Variants in FMN1 observed in about 807,000 individuals in gnomAD.
The protein encoded by FMN1 is formin 1.
Under a neutral mutation model 132.4 loss-of-function variants are expected in FMN1, and 110 were observed. The observed-to-expected ratio is 0.83, with a 90% confidence interval of 0.71 to 0.97. FMN1 has a LOEUF of 0.97. FMN1 is among the 50% of genes least tolerant of loss of function. FMN1 has a pLI of 0.00. For synonymous variants in FMN1, 722 were observed against 651.7 expected (o/e 1.11, Z -1.64); for missense variants, 1,792 against 1,705.3 (o/e 1.05, Z -0.90).
At chr15:32,938,205 AT>A (rs1287749775) in intron 9 of FMN1, among the ~76,000 whole-genome samples, 1 of 152,028 alleles carries the variant, frequency 6.6e-6, no homozygotes, top group Non-Finnish European at 1.5e-5. Context: ...TCATTTAAGT[AT>A]TCCCCTACTA....
chr15:33,153,846 G>T lies in FMN1; in HGVS notation c.1069C>A (p.Arg357Ser). Residue 357 changes from arginine (R) to serine (S), a missense_variant, in exon 4 of 21, where the codon CGC (arginine) becomes AGC (serine). By Grantham distance (110) the Arg-to-Ser change is moderately radical. This residue lies in a region of FMN1 where 638 missense variants were observed against 645.2 expected (regional missense o/e 0.99). Transcript: ENST00000616417. ...HSKGKETIAI[R>S]PAAHAEFVPK... ...ACAAACTCAGCGTGGGCTGCTGGGCGAATGGCAATCGTCTCCTTACCCTTA... is the reference window on the plus strand; with the variant it reads ...ACAAACTCAGCGTGGGCTGCTGGGCTAATGGCAATCGTCTCCTTACCCTTA... 1 of 1,536,626 alleles carries T rather than the reference G, an allele frequency of 6.5e-7. No homozygotes were observed.
At chr15:32,895,383 C>T (rs138951444) in intron 15 of FMN1, among the ~76,000 whole-genome samples, 89 of 151,538 alleles carry the variant, frequency 5.9e-4, no homozygotes, top group African/African-American at 1.9e-3. Flanking sequence ...AAAAACACAA[C>T]CTTGCTTGCC....
At chr15:32,869,590 A>G (rs1157345905) in intron 16 of FMN1, among the ~76,000 whole-genome samples, 1 of 152,202 alleles carries the variant, frequency 6.6e-6, no homozygotes, top group Non-Finnish European at 1.5e-5. Flanking sequence ...CATTGGTATA[A>G]AATTGGTATT....
intron 4 of FMN1, among the ~76,000 whole-genome samples, chr15:33,129,721 C>T (rs1288430287): frequency 2.6e-5 from 4 of 151,478 alleles, no homozygotes; most frequent in Non-Finnish European, 5.9e-5. Flanking sequence ...AAGTCTGAGA[C>T]ATTTTGTAAG....
At chr15:33,000,114 G>A (rs940865384) in intron 7 of FMN1, among the ~76,000 whole-genome samples, 5 of 152,150 alleles carry the variant, frequency 3.3e-5, no homozygotes, top group South Asian at 2.1e-4. Flanking sequence ...GAGACCTGCT[G>A]ACTAGGAAGG....
At chr15:33,069,991 CTCTTTTTT>C (rs1220466043) in intron 5 of FMN1, among the ~76,000 whole-genome samples, 3 of 59,554 alleles carry the variant, frequency 5.0e-5, no homozygotes, top group Admixed American at 2.6e-4. Flanking sequence ...ATCAGTCTTT[CTCTTTTTT>C]TTTTTTTTTT....
rs140525306 is a variant in FMN1 at position 33,136,538 on chromosome 15, T to G, written c.1867+16510A>C. ...AAATGTCTAAGCAAGTGGTTTTTTT[T>G]GATGAACCATGTTTTAGTTATTTCC... On this transcript the variant is annotated intron_variant, in intron 4 of 20. Transcript: ENST00000616417. Among the ~76,000 whole-genome samples, 1,047 of 152,296 alleles carry G rather than the reference T, an allele frequency of 6.9e-3. 10 individuals are homozygous for G. The highest frequency in any genetic ancestry group is 0.024 in the African/African-American group (994 of 41,540).
intron 4 of FMN1, among the ~76,000 whole-genome samples, chr15:33,122,537 C>T (rs1962665625): frequency 6.6e-6 from 1 of 152,200 alleles, no homozygotes; most frequent in South Asian, 2.1e-4. Flanking sequence ...ATTTAAAATG[C>T]AACAGGATAA....
chr15:32,865,842 A>G (rs987383569), intron 16 of FMN1, among the ~76,000 whole-genome samples: 2 of 105,844 alleles, frequency 1.9e-5, no homozygotes, highest in Non-Finnish European at 3.4e-5. Context: ...ACCTCAAAAA[A>G]AAAAAAAAAA....
intron 7 of FMN1, among the ~76,000 whole-genome samples, chr15:32,983,230 T>C (rs2032820551): frequency 6.6e-6 from 1 of 152,170 alleles, no homozygotes; most frequent in Non-Finnish European, 1.5e-5. Context: ...GAGTCTCAAA[T>C]GCACTCTGTT....
chr15:33,122,045 G>A (rs1037613723), intron 4 of FMN1, among the ~76,000 whole-genome samples: 4 of 151,742 alleles, frequency 2.6e-5, no homozygotes, highest in Admixed American at 2.6e-4. Flanking sequence ...ATACAGTCAG[G>A]CCAATAGACA....
chr15:33,030,683 C>T (rs1387028116), intron 6 of FMN1, among the ~76,000 whole-genome samples: 2 of 152,006 alleles, frequency 1.3e-5, no homozygotes, highest in African/African-American at 2.4e-5. Context: ...ATTTACATAC[C>T]GAAAAGAAAG....
intron 7 of FMN1, among the ~76,000 whole-genome samples, chr15:32,988,776 T>C (rs1192790824): frequency 2.0e-5 from 1 of 48,924 alleles, no homozygotes; most frequent in Admixed American, 2.8e-4. Context: ...CTTTAATGTA[T>C]TGAGAAAGTT....
At chr15:33,124,446 T>G (rs1451656792) in intron 4 of FMN1, among the ~76,000 whole-genome samples, 1 of 152,120 alleles carries the variant, frequency 6.6e-6, no homozygotes, top group African/African-American at 2.4e-5. Flanking sequence ...GGCCCTGCCA[T>G]TCAGCAGAGG....
At chr15:33,068,820 G>A (rs1433238896) in intron 5 of FMN1, among the ~76,000 whole-genome samples, 1 of 152,128 alleles carries the variant, frequency 6.6e-6, no homozygotes, top group East Asian at 1.9e-4. Context: ...GTGTCCACCA[G>A]CAACAGGGTG....
chr15:33,006,572 A>T (rs900878470), intron 7 of FMN1, among the ~76,000 whole-genome samples: 11 of 152,178 alleles, frequency 7.2e-5, no homozygotes, highest in African/African-American at 2.7e-4. Flanking sequence ...AGTATGTTGA[A>T]GAGATATCTA....
At chr15:33,028,678 A>G (rs1171122808) in intron 6 of FMN1, among the ~76,000 whole-genome samples, 1 of 152,324 alleles carries the variant, frequency 6.6e-6, no homozygotes, top group South Asian at 2.1e-4. Flanking sequence ...CTCATTTCAT[A>G]GAAATGTTCG....
At chr15:32,910,629 G>A (rs879736898) in intron 10 of FMN1, 94 bp from the exon 11 acceptor site, 1 of 930,038 alleles carries the variant, frequency 1.1e-6, no homozygotes, top group African/African-American at 1.6e-5. Flanking sequence ...GCAATTAACA[G>A]AGTATTGCGT....
chr15:33,145,895 A>G (rs1964197313), intron 4 of FMN1, among the ~76,000 whole-genome samples: 1 of 152,004 alleles, frequency 6.6e-6, no homozygotes, highest in Non-Finnish European at 1.5e-5. Context: ...GAAACTAAAG[A>G]CTTGAACGTT....
Sources: gnomAD v4.1 joint callset for allele counts (sites outside exome capture counted in the v4.1 genomes callset) on GRCh38, gnomAD v4.1.1 for gene constraint, gnomAD v4.1.1 regional missense constraint, MANE v1.5 for transcripts, NCBI Gene and HGNC (gene_info 2026-07-23, HGNC 2026-07-21) for gene names.